Variants in TMEM217B observed in about 807,000 individuals in gnomAD.
TMEM217B encodes transmembrane protein 217B.
the TMEM217B span, chr6:37,218,593 G>A: frequency 6.2e-7 from 1 of 1,614,160 alleles, no homozygotes; most frequent in Non-Finnish European, 8.5e-7. Context: ...CATAGTTGAT[G>A]ACAAAGAACA....
the TMEM217B span, among the ~76,000 whole-genome samples, chr6:37,236,029 T>TA: frequency 8.6e-4 from 131 of 152,254 alleles, no homozygotes; most frequent in African/African-American, 3.0e-3. Flanking sequence ...GCTAGATAAA[T>TA]AAAAAATCAT....
At chr6:37,244,631 T>A in the TMEM217B span, among the ~76,000 whole-genome samples, 1 of 152,226 alleles carries the variant, frequency 6.6e-6, no homozygotes, top group Non-Finnish European at 1.5e-5. Flanking sequence ...CATAGACTTG[T>A]GGAGAAATCT....
the TMEM217B span, among the ~76,000 whole-genome samples, chr6:37,215,547 G>A: frequency 8.2e-6 from 1 of 121,428 alleles, no homozygotes; most frequent in Non-Finnish European, 1.6e-5. Flanking sequence ...CTCCAGCCTG[G>A]GCTGCAGAGC....
At chr6:37,235,195 T>C in the TMEM217B span, among the ~76,000 whole-genome samples, 3 of 152,154 alleles carry the variant, frequency 2.0e-5, no homozygotes, top group Non-Finnish European at 4.4e-5. Flanking sequence ...TTTCTGGAAA[T>C]GATATATTAC....
the TMEM217B span, among the ~76,000 whole-genome samples, chr6:37,241,254 T>C: frequency 6.6e-6 from 1 of 151,970 alleles, no homozygotes; most frequent in East Asian, 1.9e-4. Flanking sequence ...GTTAATTTTT[T>C]TTTTTTAGAA....
the TMEM217B span, among the ~76,000 whole-genome samples, chr6:37,236,662 AT>A: frequency 0.057 from 8,576 of 149,844 alleles, 791 homozygotes; most frequent in African/African-American, 0.19. Context: ...TGCCAGTACT[AT>A]TTTTTTTTTT....
the TMEM217B span, among the ~76,000 whole-genome samples, chr6:37,221,172 A>G: frequency 6.0e-5 from 9 of 150,356 alleles, no homozygotes; most frequent in South Asian, 1.5e-3. Context: ...TACTCTGGAC[A>G]TGTCATGTAA....
chr6:37,218,949 TG>T, the TMEM217B span: 1 of 1,614,202 alleles, frequency 6.2e-7, no homozygotes, highest in Non-Finnish European at 8.5e-7. Flanking sequence ...ATGAGATACA[TG>T]TCTACGGCCA....
chr6:37,233,465 T>C, the TMEM217B span, among the ~76,000 whole-genome samples: 1 of 152,214 alleles, frequency 6.6e-6, no homozygotes, highest in Non-Finnish European at 1.5e-5. Context: ...TCAGGTGGCA[T>C]CTTGCCACTG....
At chr6:37,239,545 A>G in the TMEM217B span, among the ~76,000 whole-genome samples, 1 of 152,198 alleles carries the variant, frequency 6.6e-6, no homozygotes, top group Non-Finnish European at 1.5e-5. Flanking sequence ...GCATTGAAGC[A>G]TAGTGTAATT....
At chr6:37,220,907 A>G in the TMEM217B span, among the ~76,000 whole-genome samples, 1 of 152,102 alleles carries the variant, frequency 6.6e-6, no homozygotes, top group South Asian at 2.1e-4. Context: ...TTTTACTTTT[A>G]TTATAGTATA....
At chr6:37,223,119 G>A in the TMEM217B span, among the ~76,000 whole-genome samples, 3 of 151,852 alleles carry the variant, frequency 2.0e-5, no homozygotes, top group African/African-American at 7.3e-5. Flanking sequence ...AAATATGAAG[G>A]AGAAGTTAAG....
the TMEM217B span, chr6:37,215,107 C>A: frequency 6.5e-7 from 1 of 1,536,640 alleles, no homozygotes; most frequent in Non-Finnish European, 8.8e-7. Context: ...ACCCTCGGCA[C>A]CTCTCTCTTG....
the TMEM217B span, among the ~76,000 whole-genome samples, chr6:37,227,246 T>C: frequency 2.0e-5 from 3 of 152,234 alleles, no homozygotes; most frequent in African/African-American, 7.2e-5. Flanking sequence ...AGTAGGCCTT[T>C]GGTCAGTGTT....
chr6:37,226,182 A>T, the TMEM217B span, among the ~76,000 whole-genome samples: 1 of 147,338 alleles, frequency 6.8e-6, no homozygotes, highest in African/African-American at 2.5e-5. Context: ...GTCTATGCTT[A>T]TTTACCATCT....
the TMEM217B span, among the ~76,000 whole-genome samples, chr6:37,252,649 T>C: frequency 7.3e-6 from 1 of 136,632 alleles, no homozygotes; most frequent in South Asian, 2.3e-4. Context: ...TTTTTTTTTT[T>C]TTTTTTTTTT....
chr6:37,256,270 A>G, the TMEM217B span, among the ~76,000 whole-genome samples: 1 of 152,182 alleles, frequency 6.6e-6, no homozygotes, highest in African/African-American at 2.4e-5. Context: ...GGAATCTAGA[A>G]GTTGTTTTAG....
the TMEM217B span, among the ~76,000 whole-genome samples, chr6:37,221,079 A>G: frequency 6.6e-6 from 1 of 152,112 alleles, no homozygotes; most frequent in African/African-American, 2.4e-5. Context: ...GAAACTGTAC[A>G]CCCATTAAGC....
At chr6:37,258,095 T>G in the TMEM217B span, 1 of 1,135,088 alleles carries the variant, frequency 8.8e-7, no homozygotes, top group Non-Finnish European at 1.2e-6. Flanking sequence ...AAGCTGGGAC[T>G]GCCTGGTGGC....
Sources: gnomAD v4.1 joint callset for allele counts (sites outside exome capture counted in the v4.1 genomes callset) on GRCh38, gnomAD v4.1.1 for gene constraint, MANE v1.5 for transcripts, NCBI Gene and HGNC (gene_info 2026-07-23, HGNC 2026-07-21) for gene names.